Variants in VMP1 observed in about 807,000 individuals in gnomAD.
The protein encoded by VMP1 is vacuole membrane protein 1.
In VMP1, 11 loss-of-function variants were observed where a neutral mutation model predicts 56.0. That is an observed-to-expected ratio of 0.20 (90% CI 0.12 to 0.32). The LOEUF (loss-of-function observed/expected upper bound fraction) is 0.32, where lower values mean the gene tolerates loss of function less well. Ranked by LOEUF, VMP1 falls within the 10% of genes least tolerant of loss-of-function variation. The pLI is 1.00. For missense variants in VMP1, 296 were observed against 490.3 expected, an observed-to-expected ratio of 0.60 and a Z score of 3.74; for synonymous variants, 149 against 165.0, an observed-to-expected ratio of 0.90 and a Z score of 0.74.
At chr17:59,742,288 G>A (rs185266322) in intron 5 of VMP1, among the ~76,000 whole-genome samples, 3 of 152,114 alleles carry the variant, frequency 2.0e-5, no homozygotes, top group East Asian at 1.9e-4. Flanking sequence ...CAGGAGGATC[G>A]CTTGAGACCA....
chr17:59,820,410 C>A (rs916804868), intron 10 of VMP1, among the ~76,000 whole-genome samples: 3 of 152,190 alleles, frequency 2.0e-5, no homozygotes, highest in African/African-American at 4.8e-5. Flanking sequence ...TCACTGCATG[C>A]TACTAGTACC....
intron 1 of VMP1, among the ~76,000 whole-genome samples, chr17:59,709,142 C>T (rs543875076): frequency 2.6e-5 from 4 of 152,298 alleles, no homozygotes; most frequent in African/African-American, 9.6e-5. Flanking sequence ...AAAATTTGTT[C>T]ACGCTTGGCT....
chr17:59,731,590 A>G, intron 2 of VMP1, 68 bp downstream of exon 2: 15 of 1,115,256 alleles, frequency 1.3e-5, no homozygotes, highest in Non-Finnish European at 1.8e-5. Context: ...TTGGAATAAA[A>G]TAGAGATATA....
chr17:59,764,766 A>G lies in VMP1; in HGVS notation c.415-205A>G, dbSNP rs191481745. Reference sequence around the variant, plus strand: ...TGTAAATTTTACCTCAATAAATCTGATTTTTTTTTAAGTCAACCAGGAAGA... The same window carrying G: ...TGTAAATTTTACCTCAATAAATCTGGTTTTTTTTTAAGTCAACCAGGAAGA... On this transcript the variant is annotated intron_variant, in intron 5 of 11. Transcript: ENST00000262291. 7.4e-4 allele frequency among the ~76,000 whole-genome samples: 112 copies of G among 151,702 alleles called. 1 individual carries two copies. The highest frequency in any genetic ancestry group is 6.8e-3 in the Middle Eastern group (2 of 294).
Position 59,765,147 on chromosome 17 carries a change from T to C in VMP1, c.582+9T>C, listed in dbSNP as rs1354708036. On this transcript the variant is annotated intron_variant, in intron 6 of 11. Coordinates refer to ENST00000262291, the MANE Select transcript of VMP1 (RefSeq NM_030938.5). ...TTGAAGCCTGCATGTGGGTAAGATATGCATTTTCATATTTGTTTAAAACTA... is the reference window on the plus strand; with the variant it reads ...TTGAAGCCTGCATGTGGGTAAGATACGCATTTTCATATTTGTTTAAAACTA... The C allele has an allele frequency of 3.7e-6, 6 of 1,611,606 alleles. No homozygotes were observed. Among genetic ancestry groups the C allele is most frequent in the African/African-American group, 1.3e-5 (1 of 74,766 alleles).
chr17:59,724,186 C>T (rs1294267006), intron 1 of VMP1, among the ~76,000 whole-genome samples: 15 of 139,096 alleles, frequency 1.1e-4, no homozygotes, highest in African/African-American at 3.6e-4. Context: ...CACTCCAGCC[C>T]GGGGGACAGA....
At chr17:59,739,398 CTTTCTTG>C (rs2035129210) in intron 5 of VMP1, among the ~76,000 whole-genome samples, 1 of 152,170 alleles carries the variant, frequency 6.6e-6, no homozygotes, top group African/African-American at 2.4e-5. Context: ...GAACTAAATG[CTTTCTTG>C]AGTCCTTTGA....
chr17:59,822,290 C>A (rs1479376743), intron 10 of VMP1, among the ~76,000 whole-genome samples: 1 of 149,548 alleles, frequency 6.7e-6, no homozygotes, highest in East Asian at 2.0e-4. Context: ...TTGAGCATGA[C>A]ATGATTGGTT....
Position 59,813,329 on chromosome 17 carries a change from G to C in VMP1, c.912+1543G>C, listed in dbSNP as rs529457387. ...GCGGTGGCTCACACCTGTAATCCCAGCACTTTGGGAGGCCGAGGCGGGTGG... is the reference window on the plus strand; with the variant it reads ...GCGGTGGCTCACACCTGTAATCCCACCACTTTGGGAGGCCGAGGCGGGTGG... On this transcript the variant is annotated intron_variant, in intron 9 of 11. Transcript: ENST00000262291. Among the ~76,000 whole-genome samples the C allele has an allele frequency of 5.3e-5, 8 of 152,260 alleles. No homozygotes were observed. In the South Asian group the frequency reaches 1.4e-3, roughly 28 times the overall value.
At chr17:59,770,737 T>C (rs892702317) in intron 6 of VMP1, among the ~76,000 whole-genome samples, 5 of 151,938 alleles carry the variant, frequency 3.3e-5, no homozygotes, top group African/African-American at 7.3e-5. Flanking sequence ...CACACCACCA[T>C]ACCCGGCTAA....
At chr17:59,830,975 G>A (rs1435770585) in intron 10 of VMP1, among the ~76,000 whole-genome samples, 2 of 151,920 alleles carry the variant, frequency 1.3e-5, no homozygotes, top group Non-Finnish European at 2.9e-5. Context: ...CTACAGGTGT[G>A]CACCACACCT....
At chr17:59,714,420 C>T (rs755102808) in intron 1 of VMP1, among the ~76,000 whole-genome samples, 14 of 152,120 alleles carry the variant, frequency 9.2e-5, no homozygotes, top group South Asian at 2.1e-4. Flanking sequence ...CCTTGTCTCA[C>T]TCTACTGCCA....
chr17:59,753,811 T>C (rs189158227), intron 5 of VMP1, among the ~76,000 whole-genome samples: 12 of 152,302 alleles, frequency 7.9e-5, no homozygotes, highest in Admixed American at 1.3e-4. Flanking sequence ...AATTTTTCTG[T>C]TTGCCATATA....
chr17:59,756,580 A>G (rs1261439841), intron 5 of VMP1, among the ~76,000 whole-genome samples: 1 of 151,992 alleles, frequency 6.6e-6, no homozygotes, highest in African/African-American at 2.4e-5. Context: ...TGTCCAAACA[A>G]CTCCAGTCTT....
At chr17:59,774,001 AAGAAAG>A in intron 7 of VMP1, 116 bp downstream of exon 7, 2 of 1,012,634 alleles carry the variant, frequency 2.0e-6, no homozygotes, top group Non-Finnish European at 2.7e-6. Flanking sequence ...AAAAAAAAAA[AAGAAAG>A]AAAAATATTG....
intron 3 of VMP1, 72 bp downstream of exon 3, chr17:59,735,545 T>TA: frequency 6.5e-7 from 1 of 1,534,632 alleles, no homozygotes; most frequent in African/African-American, 1.4e-5. Context: ...AGTAATCTCT[T>TA]ACTTTCTGCC....
chr17:59,828,122 C>T (rs970533023), intron 10 of VMP1, among the ~76,000 whole-genome samples: 1 of 152,068 alleles, frequency 6.6e-6, no homozygotes, highest in Non-Finnish European at 1.5e-5. Context: ...ATCAGTTTTA[C>T]CTAGTCCTTA....
At chr17:59,758,284 A>G (rs1225503617) in intron 5 of VMP1, among the ~76,000 whole-genome samples, 1 of 152,118 alleles carries the variant, frequency 6.6e-6, no homozygotes, top group Non-Finnish European at 1.5e-5. Context: ...AAAATAATAT[A>G]TATTTGGCTC....
intron 1 of VMP1, among the ~76,000 whole-genome samples, chr17:59,715,128 G>A (rs1023474037): frequency 6.6e-6 from 1 of 151,982 alleles, no homozygotes; most frequent in African/African-American, 2.4e-5. Context: ...AATTGTTTTC[G>A]CTACTCTAAG....
Sources: allele counts gnomAD v4.1 joint callset (sites outside exome capture counted in the v4.1 genomes callset), GRCh38; gene constraint gnomAD v4.1.1; transcripts MANE v1.5; gene names NCBI Gene and HGNC (gene_info 2026-07-23, HGNC 2026-07-21).